The following BACE2 variants were observed in gnomAD, a reference collection of about 807,000 sequenced individuals.
BACE2 encodes 56 kDa aspartic-like protease.
Under a neutral mutation model 46.2 loss-of-function variants are expected in BACE2, and 17 were observed. The observed-to-expected ratio is 0.37, with a 90% CI of 0.25 to 0.55. The LOEUF is 0.55. BACE2 is among the 20% of genes least tolerant of loss of function. The probability of loss-of-function intolerance (pLI) is 0.82; values close to 1 mark genes in which losing one functional copy is unlikely to be tolerated. For synonymous variants in BACE2, 277 were observed against 295.9 expected, an observed-to-expected ratio of 0.94 and a Z score of 0.66; for missense variants, 595 against 698.1, an observed-to-expected ratio of 0.85 and a Z score of 1.66.
intron 1 of BACE2, among the ~76,000 whole-genome samples, chr21:41,209,012 C>T (rs1371275379): frequency 2.0e-5 from 3 of 152,198 alleles, no homozygotes; most frequent in Non-Finnish European, 1.5e-5. Flanking sequence ...CTTGCAGCCA[C>T]GTACAGGTGG....
chr21:41,174,485 AG>A (rs1242127759), intron 1 of BACE2, among the ~76,000 whole-genome samples: 3 of 152,008 alleles, frequency 2.0e-5, no homozygotes, highest in Non-Finnish European at 4.4e-5. Context: ...CATTGCTCCC[AG>A]GGGTGGAGAG....
At chr21:41,245,028 G>T (rs148054162) in intron 5 of BACE2, among the ~76,000 whole-genome samples, 1 of 151,486 alleles carries the variant, frequency 6.6e-6, no homozygotes, top group African/African-American at 2.4e-5. Context: ...ACATCTTAGC[G>T]CAACATTTCA....
chr21:41,262,898 C>T (rs547293476), intron 8 of BACE2, among the ~76,000 whole-genome samples: 165 of 152,100 alleles, frequency 1.1e-3, no homozygotes, highest in African/African-American at 3.8e-3. Flanking sequence ...TTTTTAGAGT[C>T]GTTTGAATTT....
intron 1 of BACE2, among the ~76,000 whole-genome samples, chr21:41,197,277 T>TG (rs1555850661): frequency 8.1e-6 from 1 of 123,492 alleles, no homozygotes; most frequent in Admixed American, 8.4e-5. Context: ...TTTTTTTTGT[T>TG]TTTTTTTTTT....
At chr21:41,269,476 G>A (rs1474631905) in intron 8 of BACE2, among the ~76,000 whole-genome samples, 2 of 152,278 alleles carry the variant, frequency 1.3e-5, no homozygotes, top group African/African-American at 2.4e-5. Flanking sequence ...GCACTGAGCT[G>A]TTTTCCCTGC....
At chr21:41,196,003 G>A (rs1374749996) in intron 1 of BACE2, among the ~76,000 whole-genome samples, 1 of 152,146 alleles carries the variant, frequency 6.6e-6, no homozygotes, top group African/African-American at 2.4e-5. Context: ...TCCACTTCTG[G>A]GCTGGGCACA....
intron 8 of BACE2, among the ~76,000 whole-genome samples, chr21:41,260,917 A>C (rs1987919685): frequency 6.6e-6 from 1 of 151,978 alleles, no homozygotes; most frequent in Non-Finnish European, 1.5e-5. Flanking sequence ...AATTTATAGG[A>C]ATGCTGTGGT....
chr21:41,191,565 G>A (rs1408165150), intron 1 of BACE2, among the ~76,000 whole-genome samples: 1 of 152,160 alleles, frequency 6.6e-6, no homozygotes, highest in Admixed American at 6.5e-5. Context: ...CCAGGTAGCT[G>A]GCTGATCACC....
chr21:41,249,825 G>T (rs745441187), intron 6 of BACE2, among the ~76,000 whole-genome samples: 14 of 152,198 alleles, frequency 9.2e-5, no homozygotes, highest in African/African-American at 3.4e-4. Context: ...ACTGCTCGGG[G>T]CCTGCCTGTG....
At chr21:41,274,957 CGG>C (rs1417940133) in intron 8 of BACE2, among the ~76,000 whole-genome samples, 1 of 152,164 alleles carries the variant, frequency 6.6e-6, no homozygotes, top group Non-Finnish European at 1.5e-5. Context: ...GAGCTTTCTG[CGG>C]TAAATTCTCC....
At chr21:41,229,543 A>T (rs1172018076) in intron 2 of BACE2, among the ~76,000 whole-genome samples, 2 of 152,196 alleles carry the variant, frequency 1.3e-5, no homozygotes, top group African/African-American at 4.8e-5. Flanking sequence ...CAATCCACAC[A>T]TCCTTTCGCT....
At chr21:41,241,357 C>T (rs1404528441) in intron 3 of BACE2, among the ~76,000 whole-genome samples, 2 of 152,168 alleles carry the variant, frequency 1.3e-5, no homozygotes, top group South Asian at 2.1e-4. Context: ...GGATACTGTC[C>T]TCCCAGGTCA....
chr21:41,216,073 A>G (rs1986457860), intron 1 of BACE2, among the ~76,000 whole-genome samples: 1 of 152,106 alleles, frequency 6.6e-6, no homozygotes, highest in South Asian at 2.1e-4. Context: ...GTTGTTTGAG[A>G]GCGCGTCGTG....
chr21:41,267,128 G>C (rs975048026), intron 8 of BACE2, among the ~76,000 whole-genome samples: 1 of 152,168 alleles, frequency 6.6e-6, no homozygotes, highest in Non-Finnish European at 1.5e-5. Context: ...TCCAGCGAAG[G>C]CACAGCAGGA....
At chr21:41,242,978 G>T (rs555381549) in intron 4 of BACE2, among the ~76,000 whole-genome samples, 172 of 151,892 alleles carry the variant, frequency 1.1e-3, no homozygotes, top group African/African-American at 3.9e-3. Context: ...GCAGTGACGC[G>T]ATCTCAGCTC....
intron 8 of BACE2, among the ~76,000 whole-genome samples, chr21:41,262,310 T>G (rs547335583): frequency 3.9e-5 from 6 of 152,318 alleles, no homozygotes; most frequent in African/African-American, 1.4e-4. Flanking sequence ...TTGCAAGGTA[T>G]CTAATGAATT....
intron 1 of BACE2, among the ~76,000 whole-genome samples, chr21:41,218,320 G>A (rs868229910): frequency 6.6e-6 from 1 of 152,116 alleles, no homozygotes; most frequent in African/African-American, 2.4e-5. Flanking sequence ...TATATATAAA[G>A]TGTTAAGAAA....
intron 1 of BACE2, among the ~76,000 whole-genome samples, chr21:41,206,056 A>G (rs1007574448): frequency 3.9e-5 from 6 of 152,196 alleles, no homozygotes; most frequent in Non-Finnish European, 7.3e-5. Context: ...TGAATGGATA[A>G]ACAAAATTCT....
intron 7 of BACE2, among the ~76,000 whole-genome samples, chr21:41,254,768 G>C (rs1433569043): frequency 6.6e-6 from 1 of 152,216 alleles, no homozygotes; most frequent in Non-Finnish European, 1.5e-5. Flanking sequence ...GTGGGAACTG[G>C]CCCTCCTGAA....
Sources: allele counts gnomAD v4.1 joint callset (sites outside exome capture counted in the v4.1 genomes callset), GRCh38; gene constraint gnomAD v4.1.1; transcripts MANE v1.5; gene names NCBI Gene and HGNC (gene_info 2026-07-23, HGNC 2026-07-21).